The following HHAT variants were observed in gnomAD, a reference collection of about 807,000 sequenced individuals.
HHAT encodes hedgehog acyltransferase, also known as protein-cysteine N-palmitoyltransferase HHAT.
A neutral mutation model predicts 70.8 loss-of-function variants in HHAT; 47 were observed. The ratio of observed to expected loss-of-function variants is 0.66; its 90% CI spans 0.53 to 0.85. The LOEUF (loss-of-function observed/expected upper bound fraction) is 0.85. Ranked by LOEUF, HHAT falls within the 40% of genes least tolerant of loss-of-function variation. The pLI is 0.00. For missense variants in HHAT, 609 were observed against 604.8 expected, an observed-to-expected ratio of 1.01 and a Z score of -0.07; for synonymous variants, 228 against 247.6, an observed-to-expected ratio of 0.92 and a Z score of 0.74.
intron 9 of HHAT, among the ~76,000 whole-genome samples, chr1:210,569,379 A>AAAAAAAAAAAAAAC: frequency 8.0e-6 from 1 of 124,744 alleles, no homozygotes; most frequent in South Asian, 2.6e-4. Flanking sequence ...GCCTCAAAAA[A>AAAAAAAAAAAAAAC]AAAAAAAAAA....
intron 9 of HHAT, among the ~76,000 whole-genome samples, chr1:210,559,667 A>T (rs1008992998): frequency 6.6e-6 from 1 of 152,212 alleles, no homozygotes; most frequent in African/African-American, 2.4e-5. Context: ...CATAGGTCAG[A>T]GACAGAAATC....
intron 8 of HHAT, among the ~76,000 whole-genome samples, chr1:210,487,089 G>A (rs2094483634): frequency 6.6e-6 from 1 of 152,186 alleles, no homozygotes; most frequent in Non-Finnish European, 1.5e-5. Context: ...TTGATGCAGA[G>A]GCATAGGCAG....
intron 9 of HHAT, among the ~76,000 whole-genome samples, chr1:210,573,149 A>T (rs531488393): frequency 2.6e-5 from 4 of 152,132 alleles, no homozygotes; most frequent in Non-Finnish European, 5.9e-5. Context: ...TTATGTCCCA[A>T]ATGTTCCGAG....
At chr1:210,453,681 A>G (rs776420731) in intron 7 of HHAT, among the ~76,000 whole-genome samples, 8 of 152,322 alleles carry the variant, frequency 5.3e-5, no homozygotes, top group African/African-American at 7.2e-5. Context: ...AGGTTGACAT[A>G]TGGAAATCTG....
At chr1:210,587,774 C>T (rs1573538371) in intron 9 of HHAT, 124 bp from the exon 10 acceptor site, 1 of 748,084 alleles carries the variant, frequency 1.3e-6, no homozygotes, top group Non-Finnish European at 2.2e-6. Context: ...AATCTGGCCT[C>T]TTGGAAGTGA....
At chr1:210,524,167 C>T (rs1259782791) in intron 9 of HHAT, among the ~76,000 whole-genome samples, 1 of 152,176 alleles carries the variant, frequency 6.6e-6, no homozygotes, top group Non-Finnish European at 1.5e-5. Context: ...ATCCACTGTA[C>T]AGCGTGTGCC....
intron 8 of HHAT, among the ~76,000 whole-genome samples, chr1:210,477,151 G>T (rs111436239): frequency 1.3e-5 from 2 of 152,174 alleles, no homozygotes; most frequent in Non-Finnish European, 2.9e-5. Context: ...CAGCTCTAAG[G>T]CAGGGAGGGT....
At chr1:210,391,074 A>G (rs1320630225) in intron 4 of HHAT, among the ~76,000 whole-genome samples, 1 of 152,248 alleles carries the variant, frequency 6.6e-6, no homozygotes, top group East Asian at 1.9e-4. Flanking sequence ...AGGAATTCCT[A>G]TACTGTTTTC....
chr1:210,443,009 A>C (rs2093557127), intron 7 of HHAT, among the ~76,000 whole-genome samples: 1 of 152,188 alleles, frequency 6.6e-6, no homozygotes, highest in Admixed American at 6.5e-5. Context: ...TCTTTAATCC[A>C]TCTTGAATTG....
chr1:210,418,628 T>A (rs2092798736), intron 7 of HHAT, among the ~76,000 whole-genome samples: 1 of 152,132 alleles, frequency 6.6e-6, no homozygotes, highest in Non-Finnish European at 1.5e-5. Flanking sequence ...AATATTGTGT[T>A]TAGCAGTAGA....
intron 3 of HHAT, among the ~76,000 whole-genome samples, chr1:210,370,558 G>C (rs1008135170): frequency 2.7e-5 from 4 of 150,370 alleles, no homozygotes; most frequent in Non-Finnish European, 4.4e-5. Flanking sequence ...GTACCTGGTG[G>C]CTAAAAATTA....
intron 6 of HHAT, among the ~76,000 whole-genome samples, chr1:210,410,006 A>T (rs1420519630): frequency 6.6e-6 from 1 of 152,032 alleles, no homozygotes; most frequent in African/African-American, 2.4e-5. Flanking sequence ...TAGATGAGCT[A>T]TATATGGTCT....
chr1:210,353,944 A>G (rs1364719644), intron 2 of HHAT, among the ~76,000 whole-genome samples: 1 of 151,914 alleles, frequency 6.6e-6, no homozygotes, highest in African/African-American at 2.4e-5. Flanking sequence ...ATGTGTTTGG[A>G]TTGTTGATTG....
At chr1:210,451,816 TGATC>T (rs2093762052) in intron 7 of HHAT, among the ~76,000 whole-genome samples, 3 of 152,224 alleles carry the variant, frequency 2.0e-5, no homozygotes, top group Admixed American at 6.5e-5. Context: ...TGGTCTCCAG[TGATC>T]TTCCTGGCTC....
At chr1:210,449,320 A>G (rs1169523657) in intron 7 of HHAT, among the ~76,000 whole-genome samples, 1 of 151,916 alleles carries the variant, frequency 6.6e-6, no homozygotes, top group East Asian at 1.9e-4. Flanking sequence ...CAAAAACACA[A>G]AATAAATCAT....
chr1:210,487,010 T>G (rs947116143), intron 8 of HHAT, among the ~76,000 whole-genome samples: 2 of 152,212 alleles, frequency 1.3e-5, no homozygotes, highest in Non-Finnish European at 2.9e-5. Flanking sequence ...TATTTTAAAT[T>G]GTTTTCATTG....
intron 7 of HHAT, among the ~76,000 whole-genome samples, chr1:210,422,950 T>A (rs2092950196): frequency 6.6e-6 from 1 of 152,198 alleles, no homozygotes; most frequent in African/African-American, 2.4e-5. Flanking sequence ...AATACCACAT[T>A]TTCTTTATCC....
chr1:210,537,245 A>G (rs1262829359), intron 9 of HHAT, among the ~76,000 whole-genome samples: 2 of 152,162 alleles, frequency 1.3e-5, no homozygotes. Flanking sequence ...TTGTCTGAAA[A>G]TGCTGTCAGT....
At chr1:210,401,137 G>C (rs1051004107) in intron 5 of HHAT, among the ~76,000 whole-genome samples, 1 of 152,092 alleles carries the variant, frequency 6.6e-6, no homozygotes, top group Non-Finnish European at 1.5e-5. Flanking sequence ...TTGTAGAGAC[G>C]GAGTCTTGCT....
Sources: gnomAD v4.1 joint callset for allele counts (sites outside exome capture counted in the v4.1 genomes callset) on GRCh38, gnomAD v4.1.1 for gene constraint, MANE v1.5 for transcripts, NCBI Gene and HGNC (gene_info 2026-07-23, HGNC 2026-07-21) for gene names.